Variants in UBR4 observed in about 807,000 individuals in gnomAD.
The protein encoded by UBR4 is ubiquitin protein ligase E3 component n-recognin 4, also known as E3 ubiquitin-protein ligase UBR4.
Under a neutral mutation model 575.6 loss-of-function variants are expected in UBR4, and 124 were observed. The observed-to-expected ratio is 0.22, with a 90% CI of 0.19 to 0.25. The LOEUF (loss-of-function observed/expected upper bound fraction) is 0.25. Among genes scored for constraint, UBR4 ranks in the 10% least tolerant of loss-of-function variants. The probability of loss-of-function intolerance (pLI) is 1.00; values close to 1 mark genes in which losing one functional copy is unlikely to be tolerated. For synonymous variants in UBR4, 2,455 were observed against 2,473.7 expected, an observed-to-expected ratio of 0.99 and a Z score of 0.22; for missense variants, 4,818 against 6,478.8, an observed-to-expected ratio of 0.74 and a Z score of 8.80.
chr1:19,092,347 C>A (rs923413978), intron 97 of UBR4, among the ~76,000 whole-genome samples: 8 of 151,832 alleles, frequency 5.3e-5, no homozygotes, highest in African/African-American at 1.9e-4. Flanking sequence ...AAAAAAAAAA[C>A]CCAGCCCTGG....
At chr1:19,154,288 A>T (rs927814402) in intron 44 of UBR4, among the ~76,000 whole-genome samples, 5 of 152,250 alleles carry the variant, frequency 3.3e-5, no homozygotes, top group Admixed American at 3.3e-4. Context: ...ACATCGAGTT[A>T]GTGTGAACTG....
At chr1:19,129,129 C>T in intron 60 of UBR4, 55 bp from the exon 61 acceptor site, 1 of 1,502,966 alleles carries the variant, frequency 6.7e-7, no homozygotes, top group African/African-American at 1.4e-5. Context: ...CAGGACACAG[C>T]TGAATACAGT....
chr1:19,193,355 T>C, intron 9 of UBR4, 78 bp downstream of exon 9: 1 of 1,560,700 alleles, frequency 6.4e-7, no homozygotes, highest in Non-Finnish European at 8.7e-7. Context: ...CTTTCTTCTA[T>C]CATGGAAGAA....
Position 19,198,647 on chromosome 1 carries a change from C to A in UBR4, c.542G>T (p.Ser181Ile), listed in dbSNP as rs572177707. 1.9e-6 allele frequency: 3 copies of A among 1,613,990 alleles called. No individual in the cohort carries two copies. The highest frequency in any genetic ancestry group is 2.5e-6 in the Non-Finnish European group (3 of 1,180,030). ...TACCTCCTTTTGCCTCAACTCAGGG[C>A]TTACTGGTGAGGCCAGCTCTTTCTG... ...EDQKELASPV[S>I]PELRQKEVQM... The change falls in exon 5 of 106, where the codon AGC becomes ATC. Residue 181 changes from serine (S) to isoleucine (I), a missense_variant. This residue lies in a region of UBR4 where 83 missense variants were observed against 77.3 expected (regional missense o/e 1.07). Coordinates refer to ENST00000375254, the MANE Select transcript of UBR4 (RefSeq NM_020765.3).
In UBR4 at chr1:19,177,192, G is replaced by A. The variant is rs1017375430; in HGVS notation, c.2637+269C>T. Among the ~76,000 whole-genome samples, 8 of 152,204 alleles carry A rather than the reference G, an allele frequency of 5.3e-5. 1 individual carries two copies. Among genetic ancestry groups the A allele is most frequent in the Non-Finnish European group, 8.8e-5 (6 of 68,036 alleles). On this transcript the variant is annotated intron_variant, in intron 19 of 105. Transcript: ENST00000375254. ...TGCTCAGGGCACTGCATCAGACACA[G>A]GTAGAGCAGGGCAATTCGTGGGAGA...
In UBR4 at chr1:19,148,619, C is replaced by G. The variant is rs759158435; in HGVS notation, c.7438G>C (p.Val2480Leu). ...TSGTVLERLVVSSLEALESCF... is the reference protein window; with the variant it reads ...TSGTVLERLVLSSLEALESCF... ...CTTTCCAGGGCTTCTAAAGAACTCA[C>G]AACCAGCCTGGGGAGACAGAAAACC... The change falls in exon 50 of 106, where the codon GTG becomes CTG. Residue 2480 changes from valine to leucine, a missense_variant. By Grantham distance (32) the Val-to-Leu change is conservative. Coordinates refer to ENST00000375254, the MANE Select transcript of UBR4 (RefSeq NM_020765.3). 5 of 1,614,124 alleles carry G rather than the reference C, an allele frequency of 3.1e-6. No homozygotes were observed. The African/African-American group carries it at 4.0e-5, about 13-fold the overall frequency.
In UBR4 at chr1:19,110,724, C is replaced by A. The variant is rs190726123; in HGVS notation, c.11892+18G>T. 6.3e-5 allele frequency: 102 copies of A among 1,613,492 alleles called. No homozygotes were observed. In the Middle Eastern group the frequency reaches 1.2e-3, roughly 19 times the overall value. On this transcript the variant is annotated intron_variant, in intron 79 of 105. Transcript: ENST00000375254. This position sits in a 1 kb window ranked among gnomAD's most constrained non-coding sequence, Gnocchi z 4.5. ...GGGGAAGTCAGAGAGGACAGCTGGG[C>A]CTGCTAGGCCGGCTCACCAGATCGG...
chr1:19,163,760 T>C lies in UBR4; in HGVS notation c.4764+4A>G. On this transcript the variant is annotated splice_donor_region_variant and intron_variant, in intron 34 of 105. Transcript: ENST00000375254. ...CCCCCATTGTCATTCCTCACTTTTC[T>C]TACCTTTCCATGCATTACATTGGCA... 2 of 1,614,116 alleles carry C rather than the reference T, an allele frequency of 1.2e-6. No homozygotes were observed. Among genetic ancestry groups the C allele is most frequent in the Non-Finnish European group, 8.5e-7 (1 of 1,179,930 alleles).
At chr1:19,111,167 C>T (rs1028453146) in intron 78 of UBR4, among the ~76,000 whole-genome samples, 5 of 152,210 alleles carry the variant, frequency 3.3e-5, no homozygotes, top group Non-Finnish European at 7.4e-5. Context: ...GTCTTGGTCA[C>T]AACTCTTTCC....
At chr1:19,130,966 T>C (rs556651296) in intron 60 of UBR4, among the ~76,000 whole-genome samples, 12 of 152,078 alleles carry the variant, frequency 7.9e-5, no homozygotes, top group African/African-American at 2.7e-4. Flanking sequence ...TGGAGTGCAG[T>C]GGCACAATCA....
intron 2 of UBR4, among the ~76,000 whole-genome samples, chr1:19,201,403 A>G (rs1209261051): frequency 6.6e-6 from 1 of 152,112 alleles, no homozygotes; most frequent in African/African-American, 2.4e-5. Flanking sequence ...CCTTCCCCCC[A>G]GGGAAATTAA....
Position 19,141,789 on chromosome 1 carries a change from A to G in UBR4, c.8180-12T>C. ...ATCATCCTTGTCTCCTGAGTCAAAG[A>G]AACCCCAGTCACCTGAAGGTGCTTG... is the stretch of plus-strand genomic sequence containing the variant. On this transcript the variant is annotated splice_polypyrimidine_tract_variant and intron_variant, in intron 55 of 105. Transcript: ENST00000375254. The G allele has an allele frequency of 5.0e-6, 8 of 1,613,608 alleles. No individual in the cohort carries two copies. The highest frequency in any genetic ancestry group is 6.8e-6 in the Non-Finnish European group (8 of 1,179,724).
intron 60 of UBR4, among the ~76,000 whole-genome samples, chr1:19,133,653 T>C (rs1039933617): frequency 6.6e-6 from 1 of 152,162 alleles, no homozygotes; most frequent in Non-Finnish European, 1.5e-5. Context: ...AATCTATCAT[T>C]AGAATAAATA....
intron 97 of UBR4, 94 bp downstream of exon 97, chr1:19,092,725 G>T: frequency 1.0e-6 from 1 of 1,004,784 alleles, no homozygotes; most frequent in Non-Finnish European, 1.4e-6. Flanking sequence ...TACTCTAGAA[G>T]TCTCATATAT....
At chr1:19,143,244 A>C (rs1203429663) in intron 55 of UBR4, among the ~76,000 whole-genome samples, 7 of 141,110 alleles carry the variant, frequency 5.0e-5, no homozygotes, top group Admixed American at 7.1e-5. Flanking sequence ...GGCAGGAAGG[A>C]AGGAAGGAAG....
intron 104 of UBR4, 139 bp from the exon 105 acceptor site, chr1:19,077,041 G>C: frequency 4.6e-6 from 4 of 878,178 alleles, no homozygotes; most frequent in Non-Finnish European, 6.8e-6. Context: ...AGGCACCCTA[G>C]AGCGTGCGTT....
In UBR4 at chr1:19,179,315, T is replaced by C. The variant is rs1451009191; in HGVS notation, c.2185-95A>G. The C allele has an allele frequency of 3.1e-6, 4 of 1,276,630 alleles. No individual in the cohort carries two copies. In the Admixed American group the frequency reaches 1.4e-4, roughly 46 times the overall value. The allele number at this position is 1,276,630 out of a possible 1,614,324, so 79.1% of individuals were successfully genotyped here. A position where few individuals can be genotyped will look rare whatever the true frequency, so the allele number is the denominator to read the frequency against. The stretch of plus-strand genomic sequence containing the variant: ...TCTCAAACGTTTGTTTGTTTAATAT[T>C]GAACAGAATATTTTAAAGAAAGAAG... On this transcript the variant is annotated intron_variant, in intron 17 of 105. Coordinates refer to ENST00000375254, the MANE Select transcript of UBR4 (RefSeq NM_020765.3).
rs1343656499 is a variant in UBR4, at chr1:19,210,122, C to A, written c.127G>T (p.Ala43Ser). The A allele has an allele frequency of 6.3e-7, 1 of 1,586,288 alleles. No homozygotes were observed. The highest frequency in any genetic ancestry group is 1.7e-5 in the Admixed American group (1 of 57,382). The change falls in exon 1 of 106, where the codon GCC becomes TCC. Residue 43 changes from alanine (A) to serine (S), a missense_variant. This residue lies in a region of UBR4 where 95 missense variants were observed against 87.7 expected (regional missense o/e 1.08). Transcript: ENST00000375254. ...TGCGGCAACTCCTTCATCTCGAAGG[C>A]GGAGTAGGACGCGGACAGCAGGGGC... ...VRPLLSASYS[A>S]FEMKELPQLV...
At chr1:19,101,445 G>T in intron 88 of UBR4, 75 bp downstream of exon 88, 1 of 1,514,110 alleles carries the variant, frequency 6.6e-7, no homozygotes, top group South Asian at 1.3e-5. Flanking sequence ...TAACTTTAAT[G>T]AATCACCAAG....
Sources: allele counts gnomAD v4.1 joint callset (sites outside exome capture counted in the v4.1 genomes callset), GRCh38; gene constraint gnomAD v4.1.1; regional missense constraint gnomAD v4.1.1; non-coding constraint Gnocchi (gnomAD v3.1); transcripts MANE v1.5; gene names NCBI Gene and HGNC (gene_info 2026-07-23, HGNC 2026-07-21).